The following SCARB1 variants were observed in gnomAD, a reference collection of about 807,000 sequenced individuals.
SCARB1 encodes scavenger receptor class B member 1, also known as CD36 and LIMPII analogous 1.
A neutral mutation model predicts 57.2 loss-of-function variants in SCARB1; 30 were observed. The ratio of observed to expected loss-of-function variants is 0.52; its 90% CI spans 0.39 to 0.71. SCARB1 has a LOEUF of 0.71. Ranked by LOEUF, SCARB1 falls within the 30% of genes least tolerant of loss-of-function variation. SCARB1 has a pLI of 0.00. For missense variants in SCARB1, 543 were observed against 671.2 expected, an observed-to-expected ratio of 0.81 and a Z score of 2.11; for synonymous variants, 249 against 268.3, an observed-to-expected ratio of 0.93 and a Z score of 0.70.
intron 1 of SCARB1, among the ~76,000 whole-genome samples, chr12:124,837,885 C>T (rs910417305): frequency 6.6e-6 from 1 of 152,170 alleles, no homozygotes; most frequent in African/African-American, 2.4e-5. Context: ...CTGGGTGACA[C>T]AGTGAGACCC....
rs1950103577 is a variant in SCARB1 at position 124,800,833 on chromosome 12, C to A, written c.1010-591G>T. On this transcript the variant is annotated intron_variant, in intron 7 of 12. Transcript: ENST00000261693. The surrounding 1 kb of genome is among the most constrained non-coding windows in gnomAD (Gnocchi z 4.8). ...CTCGCCACTGACCAACCAAACCAGG[C>A]AAACACCAGCTCACCCTCGGGACAA... is the stretch of plus-strand genomic sequence containing the variant. 6.6e-6 allele frequency among the ~76,000 whole-genome samples: 1 copy of A among 152,164 alleles called. No individual in the cohort carries two copies. The highest frequency in any genetic ancestry group is 2.4e-5 in the African/African-American group (1 of 41,418).
intron 1 of SCARB1, among the ~76,000 whole-genome samples, chr12:124,844,258 G>A (rs1204944336): frequency 2.6e-5 from 4 of 152,156 alleles, no homozygotes; most frequent in African/African-American, 7.2e-5. Flanking sequence ...AGGGCAGCAC[G>A]AGGAATGTTG....
At chr12:124,844,499 C>T (rs1381801009) in intron 1 of SCARB1, among the ~76,000 whole-genome samples, 7 of 152,200 alleles carry the variant, frequency 4.6e-5, no homozygotes, top group Non-Finnish European at 1.0e-4. Context: ...CCCTAACCCT[C>T]GGTGCATCAG....
rs1336588607 is a variant in SCARB1, at chr12:124,795,242, A to T, written c.1155T>A (p.Ser385=). Residue 385 remains serine (S), a synonymous_variant, in exon 9 of 13, where the codon TCT becomes TCA. Coordinates refer to ENST00000261693, the MANE Select transcript of SCARB1 (RefSeq NM_005505.5). ...TGTAGAGGCTCAGCTGCAGTTTCAC[A>T]GAGCAGTTCATGGGGATTCCCGTGA... ...HPVTGIPMNC[S]VKLQLSLYMK... 1 of 1,614,026 alleles carries T rather than the reference A, an allele frequency of 6.2e-7. No individual in the cohort carries two copies. The highest frequency in any genetic ancestry group is 1.1e-5 in the South Asian group (1 of 91,074).
At chr12:124,821,252 ACACACACG>A (rs1234380437) in intron 1 of SCARB1, 5 of 312,708 alleles carry the variant, frequency 1.6e-5, no homozygotes, top group South Asian at 2.5e-4. Context: ...ACACACACAC[ACACACACG>A]CACACACACG....
chr12:124,781,156 T>C (rs1873394703), intron 12 of SCARB1, among the ~76,000 whole-genome samples: 1 of 152,214 alleles, frequency 6.6e-6, no homozygotes, highest in South Asian at 2.1e-4. Flanking sequence ...AGAGCTTGAC[T>C]GGGACACAGG....
chr12:124,826,330 CAAAAAAAAAA>C (rs55809371), intron 1 of SCARB1, among the ~76,000 whole-genome samples: 1 of 78,910 alleles, frequency 1.3e-5, no homozygotes, highest in East Asian at 2.9e-4. Context: ...GACCCTGTCT[CAAAAAAAAAA>C]AAAAAAAAAG....
intron 12 of SCARB1, among the ~76,000 whole-genome samples, chr12:124,778,996 G>A (rs570008862): frequency 1.1e-4 from 16 of 152,266 alleles, no homozygotes; most frequent in African/African-American, 3.4e-4. Flanking sequence ...TGTCGCCCAG[G>A]CTGGAGTACG....
At chr12:124,853,396 T>G (rs947556331) in intron 1 of SCARB1, among the ~76,000 whole-genome samples, 176 of 149,514 alleles carry the variant, frequency 1.2e-3, no homozygotes, top group African/African-American at 4.0e-3. Context: ...TTTTGTTTTT[T>G]TTTTTTTTTT....
At chr12:124,815,199 A>C in intron 2 of SCARB1, 85 bp from the exon 3 acceptor site, 2 of 1,505,626 alleles carry the variant, frequency 1.3e-6, no homozygotes, top group Non-Finnish European at 1.8e-6. Context: ...CTGCCTGGGA[A>C]CCAGGGGCCC....
At chr12:124,835,639 A>G (rs1281605364) in intron 1 of SCARB1, among the ~76,000 whole-genome samples, 1 of 150,826 alleles carries the variant, frequency 6.6e-6, no homozygotes, top group Non-Finnish European at 1.5e-5. Flanking sequence ...CCCCGCCCCC[A>G]CTAAAAAAAA....
chr12:124,818,180 AAGCCC>A, intron 1 of SCARB1, among the ~76,000 whole-genome samples: 1 of 152,210 alleles, frequency 6.6e-6, no homozygotes, highest in East Asian at 1.9e-4. Context: ...GACAGACCAA[AAGCCC>A]AGCTATGTGG....
intron 11 of SCARB1, chr12:124,785,177 C>T (rs1362133661): frequency 6.6e-6 from 1 of 152,554 alleles, no homozygotes; most frequent in East Asian, 1.9e-4. Flanking sequence ...GCCCAGGCTT[C>T]CACCCCTCCC....
At chr12:124,803,689 C>CAAAAA (rs58564503) in intron 7 of SCARB1, among the ~76,000 whole-genome samples, 3 of 47,670 alleles carry the variant, frequency 6.3e-5, no homozygotes, top group African/African-American at 1.4e-4. Context: ...CCCACCTCTA[C>CAAAAA]AAAAAAAAAA....
intron 1 of SCARB1, among the ~76,000 whole-genome samples, chr12:124,837,636 C>T (rs1383410302): frequency 6.6e-6 from 1 of 151,940 alleles, no homozygotes; most frequent in African/African-American, 2.4e-5. Context: ...CCTGTAATCC[C>T]AACACTTTGG....
intron 1 of SCARB1, among the ~76,000 whole-genome samples, chr12:124,832,013 G>A (rs2135745503): frequency 6.6e-6 from 1 of 152,262 alleles, no homozygotes; most frequent in Non-Finnish European, 1.5e-5. Flanking sequence ...CGCAATGTGG[G>A]GCCCTGGATT....
At chr12:124,855,125 C>A (rs1420216677) in intron 1 of SCARB1, among the ~76,000 whole-genome samples, 1 of 152,146 alleles carries the variant, frequency 6.6e-6, no homozygotes, top group Non-Finnish European at 1.5e-5. Flanking sequence ...AGATTTAAAG[C>A]GCCTCAAGGG....
chr12:124,825,890 G>C (rs1463813662), intron 1 of SCARB1, among the ~76,000 whole-genome samples: 1 of 152,150 alleles, frequency 6.6e-6, no homozygotes, highest in East Asian at 1.9e-4. Flanking sequence ...TGGTGCTTAC[G>C]GGGCGGAGGC....
At chr12:124,861,884 A>G (rs1952916151) in intron 1 of SCARB1, among the ~76,000 whole-genome samples, 1 of 151,956 alleles carries the variant, frequency 6.6e-6, no homozygotes, top group African/African-American at 2.4e-5. Context: ...GTGCACACAC[A>G]CACACACACA....
Sources: allele counts gnomAD v4.1 joint callset (sites outside exome capture counted in the v4.1 genomes callset), GRCh38; gene constraint gnomAD v4.1.1; non-coding constraint Gnocchi (gnomAD v3.1); transcripts MANE v1.5; gene names NCBI Gene and HGNC (gene_info 2026-07-23, HGNC 2026-07-21).